The following CADM2 variants were observed in gnomAD, a reference collection of about 807,000 sequenced individuals.
The protein encoded by CADM2 is immunoglobulin superfamily member 4D.
CADM2 carries 12 observed loss-of-function variants against 49.8 expected under a neutral mutation model. The observed-to-expected ratio is 0.24, with a 90% CI of 0.15 to 0.39. The LOEUF (loss-of-function observed/expected upper bound fraction) is 0.39, where lower values mean the gene tolerates loss of function less well. Ranked by LOEUF, CADM2 falls within the 10% of genes least tolerant of loss-of-function variation. The pLI is 1.00. For synonymous variants in CADM2, 214 were observed against 175.4 expected (o/e 1.22, Z -1.74); for missense variants, 378 against 492.3 (o/e 0.77, Z 2.20).
At chr3:85,490,123 A>C (rs1461189656) in intron 1 of CADM2, among the ~76,000 whole-genome samples, 2 of 152,094 alleles carry the variant, frequency 1.3e-5, no homozygotes, top group African/African-American at 4.8e-5. Context: ...GCTTTTTACA[A>C]GACTCTTCTA....
intron 1 of CADM2, among the ~76,000 whole-genome samples, chr3:85,388,985 G>A (rs758485905): frequency 1.3e-5 from 2 of 152,052 alleles, no homozygotes; most frequent in Non-Finnish European, 2.9e-5. Context: ...TGGAAATTCC[G>A]AAATCCTCTC....
chr3:85,629,451 A>G (rs80353235), intron 1 of CADM2, among the ~76,000 whole-genome samples: 1 of 152,026 alleles, frequency 6.6e-6, no homozygotes, highest in African/African-American at 2.4e-5. Context: ...CAATGTTTGC[A>G]TTGGTTAAAG....
intron 1 of CADM2, among the ~76,000 whole-genome samples, chr3:85,105,904 T>C (rs965437104): frequency 7.6e-6 from 1 of 130,792 alleles, no homozygotes; most frequent in Admixed American, 8.4e-5. Flanking sequence ...TGAGAACACA[T>C]GGACACAGGA....
intron 1 of CADM2, among the ~76,000 whole-genome samples, chr3:85,651,012 T>C (rs1203677070): frequency 3.3e-5 from 5 of 150,534 alleles, no homozygotes; most frequent in African/African-American, 9.8e-5. Context: ...CAAAAACGTA[T>C]TGAATGTGGT....
chr3:85,666,902 T>G (rs1437126054), intron 1 of CADM2, among the ~76,000 whole-genome samples: 1 of 152,038 alleles, frequency 6.6e-6, no homozygotes, highest in Non-Finnish European at 1.5e-5. Context: ...TGTCATAGTT[T>G]TCCAAGCTAC....
intron 2 of CADM2, among the ~76,000 whole-genome samples, chr3:85,738,413 T>A (rs188053915): frequency 2.4e-4 from 36 of 152,326 alleles, no homozygotes; most frequent in Admixed American, 2.1e-3. Context: ...AGGTAAAATA[T>A]AGCTGAGATA....
intron 1 of CADM2, among the ~76,000 whole-genome samples, chr3:85,014,211 A>C (rs564074239): frequency 5.4e-5 from 8 of 148,430 alleles, no homozygotes; most frequent in African/African-American, 2.0e-4. Flanking sequence ...CAGTGTAATA[A>C]TGTATATCAT....
At chr3:86,063,517 T>C (rs1559833391) in intron 8 of CADM2, among the ~76,000 whole-genome samples, 1 of 152,344 alleles carries the variant, frequency 6.6e-6, no homozygotes, top group Middle Eastern at 3.4e-3. Context: ...TTCAACCTAG[T>C]TAGTCATAGT....
chr3:85,183,334 C>T (rs991437205), intron 1 of CADM2, among the ~76,000 whole-genome samples: 2 of 152,130 alleles, frequency 1.3e-5, no homozygotes, highest in Admixed American at 6.6e-5. Context: ...TTTTGCAATA[C>T]ATTCTGTTGT....
At chr3:85,336,004 A>C (rs1292856897) in intron 1 of CADM2, among the ~76,000 whole-genome samples, 2 of 151,512 alleles carry the variant, frequency 1.3e-5, no homozygotes, top group African/African-American at 4.8e-5. Context: ...CTCTAAACTG[A>C]AAGAAACCGT....
At chr3:85,522,294 T>A (rs2106904294) in intron 1 of CADM2, among the ~76,000 whole-genome samples, 1 of 152,244 alleles carries the variant, frequency 6.6e-6, no homozygotes, top group Non-Finnish European at 1.5e-5. Context: ...AATCTGAAAA[T>A]ATTTCAAAAC....
chr3:85,057,413 A>G (rs1373251618), intron 1 of CADM2, among the ~76,000 whole-genome samples: 1 of 152,102 alleles, frequency 6.6e-6, no homozygotes, highest in Non-Finnish European at 1.5e-5. Context: ...ACACATCAGG[A>G]CAGTCATAAA....
At chr3:85,304,276 G>C (rs962946221) in intron 1 of CADM2, among the ~76,000 whole-genome samples, 2 of 151,778 alleles carry the variant, frequency 1.3e-5, no homozygotes, top group East Asian at 3.9e-4. Context: ...ATGTAATCAA[G>C]GAATACCAGA....
At chr3:85,153,322 G>A (rs778157383) in intron 1 of CADM2, among the ~76,000 whole-genome samples, 2 of 152,150 alleles carry the variant, frequency 1.3e-5, no homozygotes, top group Non-Finnish European at 2.9e-5. Flanking sequence ...GAAAGGGGTG[G>A]CAGATGGCAC....
chr3:85,118,828 C>T (rs2038741599), intron 1 of CADM2, among the ~76,000 whole-genome samples: 1 of 152,224 alleles, frequency 6.6e-6, no homozygotes, highest in South Asian at 2.1e-4. Flanking sequence ...CCGCTCACTG[C>T]AACCTCTGCC....
At chr3:85,111,663 A>C (rs1400702973) in intron 1 of CADM2, among the ~76,000 whole-genome samples, 1 of 151,794 alleles carries the variant, frequency 6.6e-6, no homozygotes, top group Non-Finnish European at 1.5e-5. Flanking sequence ...GTACCAAAAG[A>C]ATGGATAAGA....
chr3:84,962,116 C>T (rs2030583421), intron 1 of CADM2, among the ~76,000 whole-genome samples: 2 of 150,944 alleles, frequency 1.3e-5, no homozygotes, highest in Non-Finnish European at 2.9e-5. Flanking sequence ...CCACTGCAAC[C>T]AGCAGCAACA....
At chr3:85,808,149 C>G (rs539017299) in intron 3 of CADM2, among the ~76,000 whole-genome samples, 1 of 152,286 alleles carries the variant, frequency 6.6e-6, no homozygotes, top group Non-Finnish European at 1.5e-5. Context: ...CATTTCTGTA[C>G]AGCCTAAGTA....
intron 1 of CADM2, among the ~76,000 whole-genome samples, chr3:85,596,151 A>C (rs2107366421): frequency 6.6e-6 from 1 of 151,876 alleles, no homozygotes; most frequent in East Asian, 1.9e-4. Flanking sequence ...CTGTTGGTTT[A>C]TTTATATATT....
Sources: gnomAD v4.1 joint callset for allele counts (sites outside exome capture counted in the v4.1 genomes callset) on GRCh38, gnomAD v4.1.1 for gene constraint, MANE v1.5 for transcripts, NCBI Gene and HGNC (gene_info 2026-07-23, HGNC 2026-07-21) for gene names.